MYO3B: variants seen among roughly 807,000 people sequenced by gnomAD.
MYO3B encodes myosin-IIIb.
In MYO3B, 156 loss-of-function variants were observed where a neutral mutation model predicts 174.6. The ratio of observed to expected loss-of-function variants is 0.89; its 90% CI spans 0.78 to 1.02. The LOEUF (loss-of-function observed/expected upper bound fraction) is 1.02. Among genes scored for constraint, MYO3B ranks in the 50% least tolerant of loss-of-function variants. The pLI is 0.00. For synonymous variants in MYO3B, 563 were observed against 569.1 expected, an observed-to-expected ratio of 0.99 and a Z score of 0.15; for missense variants, 1,632 against 1,639.4, an observed-to-expected ratio of 1.00 and a Z score of 0.08.
chr2:170,371,579 G>T (rs567973457), intron 9 of MYO3B, among the ~76,000 whole-genome samples: 5 of 152,048 alleles, frequency 3.3e-5, no homozygotes, highest in African/African-American at 7.2e-5. Context: ...TTAGCAACTG[G>T]CAAGGAGCTG....
chr2:170,401,768 G>C, intron 18 of MYO3B, 77 bp downstream of exon 18: 1 of 1,286,708 alleles, frequency 7.8e-7, no homozygotes, highest in Non-Finnish European at 1.1e-6. Context: ...GCAAAAGGAA[G>C]CATTTGGTCC....
chr2:170,257,151 G>C (rs142151496), intron 7 of MYO3B, among the ~76,000 whole-genome samples: 18 of 152,186 alleles, frequency 1.2e-4, no homozygotes, highest in South Asian at 2.1e-4. Flanking sequence ...AATAGCGGGG[G>C]ACTTCAACAC....
chr2:170,274,286 G>C (rs1040383915), intron 7 of MYO3B, among the ~76,000 whole-genome samples: 2 of 152,088 alleles, frequency 1.3e-5, no homozygotes, highest in Non-Finnish European at 2.9e-5. Flanking sequence ...TCTCTTCCTA[G>C]CTTTTTTACT....
chr2:170,424,586 G>A, intron 22 of MYO3B, among the ~76,000 whole-genome samples: 1 of 151,854 alleles, frequency 6.6e-6, no homozygotes, highest in East Asian at 1.9e-4. Flanking sequence ...TCCAGCCTGG[G>A]CAAAAGAGGA....
chr2:170,654,104 T>C lies in MYO3B; in HGVS notation c.*983T>C, dbSNP rs1699160000. On this transcript the variant is annotated 3_prime_UTR_variant, in exon 35 of 35. Transcript: ENST00000408978. ...CCTTCAATTGTATGTTACATATGATTAGTCACTTTTCATACACTATAACCT... is the reference window on the plus strand; with the variant it reads ...CCTTCAATTGTATGTTACATATGATCAGTCACTTTTCATACACTATAACCT... 1 of 152,214 alleles carries C rather than the reference T, an allele frequency of 6.6e-6. No homozygotes were observed. Among genetic ancestry groups the C allele is most frequent in the South Asian group, 2.1e-4 (1 of 4,832 alleles). The allele number at this position is 152,214 out of a possible 1,614,324, so 9.4% of individuals were successfully genotyped here.
intron 7 of MYO3B, among the ~76,000 whole-genome samples, chr2:170,306,185 T>C (rs2093699640): frequency 6.6e-6 from 1 of 152,122 alleles, no homozygotes; most frequent in South Asian, 2.1e-4. Context: ...TGTTCAAGGC[T>C]CCAAGAGTAG....
rs2094349109 is a variant in MYO3B, at chr2:170,383,282, T to C, written c.1185+93T>C. 5.0e-6 allele frequency: 4 copies of C among 800,114 alleles called. No individual in the cohort carries two copies. In the East Asian group the frequency reaches 7.3e-5, roughly 15 times the overall value. The allele number at this position is 800,114 out of a possible 1,614,324, so 49.6% of individuals were successfully genotyped here. A position where few individuals can be genotyped will look rare whatever the true frequency, so the allele number is the denominator to read the frequency against. Reference sequence around the variant, plus strand: ...GAAAGAAAAAGTAAGAATAAAATTATGCTACCCTAGATGTATATACTCCAA... The same window carrying C: ...GAAAGAAAAAGTAAGAATAAAATTACGCTACCCTAGATGTATATACTCCAA... On this transcript the variant is annotated intron_variant, in intron 11 of 34. Coordinates refer to ENST00000408978, the MANE Select transcript of MYO3B (RefSeq NM_138995.5).
At chr2:170,541,124 A>G (rs1222675283) in intron 30 of MYO3B, among the ~76,000 whole-genome samples, 1 of 152,236 alleles carries the variant, frequency 6.6e-6, no homozygotes. Flanking sequence ...GGTGTCTGCC[A>G]TTGGCTTTGG....
chr2:170,327,513 T>C (rs2093877779), intron 7 of MYO3B, among the ~76,000 whole-genome samples: 1 of 136,920 alleles, frequency 7.3e-6, no homozygotes, highest in Non-Finnish European at 1.6e-5. Context: ...AGCTTCCCTT[T>C]CTTAGACAGT....
chr2:170,321,874 G>A (rs1480573310), intron 7 of MYO3B, among the ~76,000 whole-genome samples: 1 of 152,112 alleles, frequency 6.6e-6, no homozygotes, highest in Non-Finnish European at 1.5e-5. Context: ...CCAGCACTCT[G>A]GGAGGCCGAG....
At chr2:170,438,964 T>C (rs1350375980) in intron 22 of MYO3B, among the ~76,000 whole-genome samples, 1 of 152,106 alleles carries the variant, frequency 6.6e-6, no homozygotes, top group East Asian at 1.9e-4. Flanking sequence ...TCATTATAGT[T>C]TTGATTTTCA....
At chr2:170,627,020 T>C (rs1696501801) in intron 32 of MYO3B, among the ~76,000 whole-genome samples, 1 of 152,084 alleles carries the variant, frequency 6.6e-6, no homozygotes, top group Admixed American at 6.6e-5. Flanking sequence ...CTGACAATTA[T>C]GTGTCTTGGA....
intron 32 of MYO3B, among the ~76,000 whole-genome samples, chr2:170,635,054 C>G (rs1697347477): frequency 6.6e-6 from 1 of 152,172 alleles, no homozygotes; most frequent in African/African-American, 2.4e-5. Context: ...GACAGTGTGG[C>G]GATTCCTCAA....
chr2:170,366,727 C>A (rs2094201314), intron 8 of MYO3B, among the ~76,000 whole-genome samples: 1 of 152,148 alleles, frequency 6.6e-6, no homozygotes, highest in South Asian at 2.1e-4. Flanking sequence ...TCATTCATTT[C>A]TTTTATTCCT....
At chr2:170,547,045 C>T (rs962453697) in intron 32 of MYO3B, among the ~76,000 whole-genome samples, 8 of 151,982 alleles carry the variant, frequency 5.3e-5, no homozygotes, top group African/African-American at 1.2e-4. Context: ...CCTGGCACGG[C>T]GTGGTGGCTC....
At position 170,491,217 on chromosome 2, in the gene MYO3B, T is replaced by C. The variant is rs1022153803; in HGVS notation, c.3015-7375T>C. Among the ~76,000 whole-genome samples, 21 of 152,298 alleles carry C rather than the reference T, an allele frequency of 1.4e-4. 2 individuals are homozygous for C. The highest frequency in any genetic ancestry group is 1.2e-3 in the Admixed American group (19 of 15,306). On this transcript the variant is annotated intron_variant, in intron 25 of 34. Transcript: ENST00000408978. Reference sequence around the variant, plus strand: ...ACATTTCTAAATACTGCTTTAGCAATCAAATCTTGATACATTGTATTTTCA... The same window carrying C: ...ACATTTCTAAATACTGCTTTAGCAACCAAATCTTGATACATTGTATTTTCA...
At chr2:170,507,344 A>G (rs1428985206) in intron 28 of MYO3B, among the ~76,000 whole-genome samples, 1 of 152,018 alleles carries the variant, frequency 6.6e-6, no homozygotes, top group African/African-American at 2.4e-5. Flanking sequence ...CTCTCATGCT[A>G]TCTTGGTTTC....
chr2:170,575,010 C>T (rs16858773), intron 32 of MYO3B, among the ~76,000 whole-genome samples: 1 of 151,966 alleles, frequency 6.6e-6, no homozygotes, highest in Non-Finnish European at 1.5e-5. Flanking sequence ...TGGGAATAAG[C>T]GTGTGTAAAC....
chr2:170,415,336 C>G (rs571958007), intron 22 of MYO3B, among the ~76,000 whole-genome samples: 1 of 152,308 alleles, frequency 6.6e-6, no homozygotes, highest in African/African-American at 2.4e-5. Flanking sequence ...TTCTGGCTAT[C>G]CTATCTAAAA....
Sources: gnomAD v4.1 joint callset for allele counts (sites outside exome capture counted in the v4.1 genomes callset) on GRCh38, gnomAD v4.1.1 for gene constraint, MANE v1.5 for transcripts, NCBI Gene and HGNC (gene_info 2026-07-23, HGNC 2026-07-21) for gene names.